The following SLX4IP variants were observed in gnomAD, a reference collection of about 807,000 sequenced individuals.
SLX4IP encodes protein SLX4IP.
Under a neutral mutation model 32.9 loss-of-function variants are expected in SLX4IP, and 34 were observed. The ratio of observed to expected loss-of-function variants is 1.03; its 90% confidence interval spans 0.79 to 1.38. SLX4IP has a LOEUF of 1.38. SLX4IP is among the 40% of genes most tolerant of loss of function. SLX4IP has a pLI of 0.00. For missense variants in SLX4IP, 444 were observed against 479.0 expected (o/e 0.93, Z 0.68); for synonymous variants, 172 against 171.7 (o/e 1.00, Z -0.01).
intron 6 of SLX4IP, among the ~76,000 whole-genome samples, chr20:10,603,875 C>A (rs532738874): frequency 1.3e-5 from 2 of 152,224 alleles, no homozygotes; most frequent in Non-Finnish European, 2.9e-5. Context: ...ATCAAGCCAA[C>A]TACACCATCC....
rs543520352 is a variant in SLX4IP at position 10,598,737 on chromosome 20, A to G, written c.301A>G (p.Ser101Gly). ...KRGIRLRCIR[S>G]TQNAELCVFP... ...AGGGATACGCCTTCGCTGCATCAGG[A>G]GCACACAGAATGCTGGTAAGAAGCC... is the stretch of plus-strand genomic sequence containing the variant. The change falls in exon 5 of 8, where the codon AGC (serine) becomes GGC (glycine). Residue 101 changes from serine (S) to glycine (G), a missense_variant. Coordinates refer to ENST00000334534, the MANE Select transcript of SLX4IP (RefSeq NM_001009608.3). The G allele has an allele frequency of 6.2e-7, 1 of 1,614,122 alleles. No individual in the cohort carries two copies. Among genetic ancestry groups the G allele is most frequent in the South Asian group, 1.1e-5 (1 of 91,086 alleles).
chr20:10,621,052 G>A (rs1337259207), intron 6 of SLX4IP, among the ~76,000 whole-genome samples: 1 of 152,160 alleles, frequency 6.6e-6, no homozygotes. Flanking sequence ...TTCCCAGATG[G>A]TTTGGAATCA....
At chr20:10,573,265 C>T (rs553602487) in intron 4 of SLX4IP, among the ~76,000 whole-genome samples, 6 of 152,342 alleles carry the variant, frequency 3.9e-5, no homozygotes, top group African/African-American at 1.4e-4. Flanking sequence ...CCCAGCCCTT[C>T]CTCCATACAA....
intron 6 of SLX4IP, among the ~76,000 whole-genome samples, chr20:10,620,476 G>A (rs2067095231): frequency 6.6e-6 from 1 of 152,148 alleles, no homozygotes; most frequent in Non-Finnish European, 1.5e-5. Flanking sequence ...TTTTTTGGTA[G>A]CCAAGAATCA....
At chr20:10,440,017 A>C (rs1218861875) in intron 1 of SLX4IP, among the ~76,000 whole-genome samples, 4 of 152,222 alleles carry the variant, frequency 2.6e-5, no homozygotes, top group Admixed American at 6.5e-5. Context: ...GGTGGTTTAA[A>C]ATTGGATTTG....
chr20:10,623,119 A>C lies in SLX4IP; in HGVS notation c.967A>C (p.Ile323Leu). 6.2e-7 allele frequency: 1 copy of C among 1,614,198 alleles called. No homozygotes were observed. The highest frequency in any genetic ancestry group is 8.5e-7 in the Non-Finnish European group (1 of 1,180,040). ...AAGTGATCGATTAGTCCCGAGAGAA[A>C]TAATAGTGGAAAAAAGCAAAGCTGT... ...LGSDRLVPREIIVEKSKAVRV... is the reference protein window; with the variant it reads ...LGSDRLVPRELIVEKSKAVRV... The change falls in exon 8 of 8, where the codon ATA (isoleucine) becomes CTA (leucine). Residue 323 changes from isoleucine (I) to leucine (L), a missense_variant. Transcript: ENST00000334534.
chr20:10,530,486 G>GTCCC (rs1249885709), intron 2 of SLX4IP, among the ~76,000 whole-genome samples: 11 of 152,164 alleles, frequency 7.2e-5, no homozygotes, highest in African/African-American at 2.7e-4. Context: ...GGTTAACGAT[G>GTCCC]TCCCGATTTG....
At position 10,592,469 on chromosome 20, in the gene SLX4IP, A is replaced by G. The variant is rs181689695; in HGVS notation, c.239-6206A>G. Among the ~76,000 whole-genome samples the G allele has an allele frequency of 7.9e-5, 12 of 152,116 alleles. No individual in the cohort carries two copies. In the East Asian group the frequency reaches 2.1e-3, roughly 27 times the overall value. ...TTAGTCTCTTTTCATGTTTGAAGTGACAGCATCAAACTCATGATTTCCCTA... is the reference window on the plus strand; with the variant it reads ...TTAGTCTCTTTTCATGTTTGAAGTGGCAGCATCAAACTCATGATTTCCCTA... On this transcript the variant is annotated intron_variant, in intron 4 of 7. Transcript: ENST00000334534.
chr20:10,513,690 C>T (rs2122434664), intron 2 of SLX4IP, among the ~76,000 whole-genome samples: 1 of 152,330 alleles, frequency 6.6e-6, no homozygotes, highest in African/African-American at 2.4e-5. Flanking sequence ...AGGGTTTTGT[C>T]TGGCTGGGCC....
chr20:10,443,918 A>G (rs6077797), intron 1 of SLX4IP, among the ~76,000 whole-genome samples: 56,980 of 151,972 alleles, frequency 0.37, 12,410 homozygotes, highest in Non-Finnish European at 0.49. Flanking sequence ...GCCTTCCACC[A>G]TGATTGTAAG....
chr20:10,475,131 C>T (rs1276052732), intron 2 of SLX4IP, among the ~76,000 whole-genome samples: 1 of 152,224 alleles, frequency 6.6e-6, no homozygotes, highest in Non-Finnish European at 1.5e-5. Context: ...TCCCTGGAAG[C>T]ACTGCATTCT....
intron 2 of SLX4IP, among the ~76,000 whole-genome samples, chr20:10,505,387 A>G (rs1278017417): frequency 6.6e-6 from 1 of 152,218 alleles, no homozygotes; most frequent in African/African-American, 2.4e-5. Flanking sequence ...TAGCTTGAAG[A>G]AAGACTAAAT....
chr20:10,620,361 C>T (rs1287962128), intron 6 of SLX4IP, among the ~76,000 whole-genome samples: 2 of 152,152 alleles, frequency 1.3e-5, no homozygotes, highest in African/African-American at 4.8e-5. Flanking sequence ...TTTATAATTA[C>T]TTCCTTATGA....
intron 4 of SLX4IP, among the ~76,000 whole-genome samples, chr20:10,582,336 T>C (rs911197743): frequency 6.6e-6 from 1 of 152,200 alleles, no homozygotes; most frequent in Non-Finnish European, 1.5e-5. Context: ...TTCCTGGTAT[T>C]TCCTTAATAT....
At chr20:10,557,670 C>T (rs2066281419) in intron 3 of SLX4IP, among the ~76,000 whole-genome samples, 1 of 152,242 alleles carries the variant, frequency 6.6e-6, no homozygotes, top group Non-Finnish European at 1.5e-5. Context: ...CAGGCCTGTT[C>T]TCCATTCCCT....
intron 2 of SLX4IP, among the ~76,000 whole-genome samples, chr20:10,555,558 C>T (rs946340841): frequency 6.6e-6 from 1 of 152,178 alleles, no homozygotes; most frequent in Non-Finnish European, 1.5e-5. Flanking sequence ...ATATGGCTAT[C>T]TTATTGAACA....
At chr20:10,509,060 G>A (rs1484149344) in intron 2 of SLX4IP, among the ~76,000 whole-genome samples, 3 of 152,112 alleles carry the variant, frequency 2.0e-5, no homozygotes. Context: ...CTCTGTGATG[G>A]GTTAATCTCC....
At chr20:10,463,432 GGGA>G (rs2065354648) in intron 2 of SLX4IP, among the ~76,000 whole-genome samples, 1 of 151,826 alleles carries the variant, frequency 6.6e-6, no homozygotes, top group Non-Finnish European at 1.5e-5. Flanking sequence ...AGAGGAGGAG[GGGA>G]GGAGGTCAGA....
At chr20:10,590,434 C>G (rs1327104756) in intron 4 of SLX4IP, among the ~76,000 whole-genome samples, 1 of 152,048 alleles carries the variant, frequency 6.6e-6, no homozygotes, top group Non-Finnish European at 1.5e-5. Context: ...GATCTCGGCT[C>G]ACTGCAACCT....
Sources: allele counts gnomAD v4.1 joint callset (sites outside exome capture counted in the v4.1 genomes callset), GRCh38; gene constraint gnomAD v4.1.1; transcripts MANE v1.5; gene names NCBI Gene and HGNC (gene_info 2026-07-23, HGNC 2026-07-21).